ANKRD31: variants seen among roughly 807,000 people sequenced by gnomAD.
ANKRD31 encodes ankyrin repeat domain-containing protein 31.
ANKRD31 carries 147 observed loss-of-function variants against 186.0 expected under a neutral mutation model. The ratio of observed to expected loss-of-function variants is 0.79; its 90% CI spans 0.69 to 0.91. The LOEUF is 0.91. Ranked by LOEUF, ANKRD31 falls within the 40% of genes least tolerant of loss-of-function variation. The pLI is 0.00. For synonymous variants in ANKRD31, 673 were observed against 736.4 expected, an observed-to-expected ratio of 0.91 and a Z score of 1.39; for missense variants, 1,986 against 2,148.8, an observed-to-expected ratio of 0.92 and a Z score of 1.50.
intron 5 of ANKRD31, among the ~76,000 whole-genome samples, chr5:75,203,268 G>C (rs1034008589): frequency 1.6e-4 from 25 of 152,320 alleles, no homozygotes; most frequent in African/African-American, 5.8e-4. Flanking sequence ...TGGGACTATA[G>C]GACATAGTGG....
intron 3 of ANKRD31, among the ~76,000 whole-genome samples, chr5:75,215,072 C>G (rs578176575): frequency 1.3e-5 from 2 of 152,278 alleles, no homozygotes; most frequent in South Asian, 2.1e-4. Flanking sequence ...TAAAGGTCAA[C>G]AGGCAGAGAA....
intron 3 of ANKRD31, among the ~76,000 whole-genome samples, chr5:75,212,875 A>G (rs1457902219): frequency 6.6e-6 from 1 of 152,214 alleles, no homozygotes; most frequent in African/African-American, 2.4e-5. Flanking sequence ...CTCTCTGAAA[A>G]TAAAGCCATT....
At chr5:75,098,461 T>C (rs1746518737) in intron 22 of ANKRD31, among the ~76,000 whole-genome samples, 1 of 150,710 alleles carries the variant, frequency 6.6e-6, no homozygotes, top group Non-Finnish European at 1.5e-5. Context: ...TTTCCAATTC[T>C]GTGAAGAAAG....
chr5:75,194,950 G>A (rs1755360449), intron 7 of ANKRD31, among the ~76,000 whole-genome samples: 2 of 152,044 alleles, frequency 1.3e-5, no homozygotes, highest in Admixed American at 6.6e-5. Flanking sequence ...GTTTTATAAT[G>A]AGGATGCATT....
intron 10 of ANKRD31, among the ~76,000 whole-genome samples, chr5:75,176,835 T>C (rs1753843082): frequency 1.3e-5 from 2 of 152,146 alleles, no homozygotes; most frequent in African/African-American, 4.8e-5. Context: ...CCTCTCCTCC[T>C]CTAAAGGAAC....
chr5:75,220,300 C>T (rs1371478148), intron 3 of ANKRD31, among the ~76,000 whole-genome samples: 2 of 152,110 alleles, frequency 1.3e-5, no homozygotes, highest in African/African-American at 2.4e-5. Context: ...TATACAGAAT[C>T]TACAAGGAAC....
At chr5:75,129,131 A>T (rs1749515597) in intron 17 of ANKRD31, among the ~76,000 whole-genome samples, 2 of 151,968 alleles carry the variant, frequency 1.3e-5, no homozygotes, top group African/African-American at 2.4e-5. Context: ...TCCTCACAAG[A>T]TCTGGTGGTT....
intron 25 of ANKRD31, among the ~76,000 whole-genome samples, chr5:75,071,791 C>T (rs1037700480): frequency 1.3e-5 from 2 of 152,094 alleles, no homozygotes; most frequent in African/African-American, 4.8e-5. Flanking sequence ...AGCCACCGCG[C>T]CCGGCCGAAA....
chr5:75,148,119 C>T (rs1751605256), intron 13 of ANKRD31, among the ~76,000 whole-genome samples: 1 of 151,818 alleles, frequency 6.6e-6, no homozygotes, highest in Non-Finnish European at 1.5e-5. Flanking sequence ...GACTTAAAAA[C>T]AGGAAGACAG....
chr5:75,187,022 AGT>A (rs10624220), intron 10 of ANKRD31, among the ~76,000 whole-genome samples: 5,137 of 142,264 alleles, frequency 0.036, 231 homozygotes, highest in African/African-American at 0.11. Flanking sequence ...TGAGACACAG[AGT>A]GTGTGTGTGT....
chr5:75,101,854 C>A (rs1454868235), intron 22 of ANKRD31, among the ~76,000 whole-genome samples: 1 of 152,202 alleles, frequency 6.6e-6, no homozygotes, highest in Non-Finnish European at 1.5e-5. Flanking sequence ...TTTATAGCTT[C>A]TTTGCGATGG....
At chr5:75,194,657 T>C (rs1755338069) in intron 7 of ANKRD31, among the ~76,000 whole-genome samples, 1 of 152,128 alleles carries the variant, frequency 6.6e-6, no homozygotes, top group Admixed American at 6.6e-5. Context: ...AATTACAATA[T>C]ATTCACACAG....
intron 22 of ANKRD31, among the ~76,000 whole-genome samples, chr5:75,100,773 T>C (rs1159934284): frequency 6.6e-6 from 1 of 152,318 alleles, no homozygotes; most frequent in Non-Finnish European, 1.5e-5. Context: ...TTCCATTTAC[T>C]TGGTAGATCT....
At chr5:75,182,266 A>T (rs1417426691) in intron 10 of ANKRD31, among the ~76,000 whole-genome samples, 3 of 152,200 alleles carry the variant, frequency 2.0e-5, no homozygotes, top group African/African-American at 7.2e-5. Context: ...GGTTAACTTG[A>T]TTATCTATCA....
intron 11 of ANKRD31, among the ~76,000 whole-genome samples, chr5:75,158,647 C>G (rs373394386): frequency 6.6e-6 from 1 of 151,986 alleles, no homozygotes; most frequent in Non-Finnish European, 1.5e-5. Context: ...TTTTAAAAAG[C>G]TGGGTGTGGT....
rs1427707360 is a variant in ANKRD31 at position 75,105,008 on chromosome 5, C to A, written c.4551G>T (p.Glu1517Asp). ...SEISSEKDSQ[E>D]LTSLENLEHP... is the part of the protein sequence containing the mutation. ...GCTCTAAATTTTCCAGACTAGTGAG[C>A]TCTTGGCTGTCTTTTTCACTAGAGA... The change falls in exon 22 of 26, where the codon GAG becomes GAT. Residue 1517 changes from glutamate (E) to aspartate (D), a missense_variant. Transcript: ENST00000506364. 6.5e-7 allele frequency: 1 copy of A among 1,536,782 alleles called. No homozygotes were observed. Among genetic ancestry groups the A allele is most frequent in the Admixed American group, 2.0e-5 (1 of 50,922 alleles).
chr5:75,215,747 G>A (rs1756922158), intron 3 of ANKRD31, among the ~76,000 whole-genome samples: 1 of 151,646 alleles, frequency 6.6e-6, no homozygotes, highest in African/African-American at 2.4e-5. Context: ...AATCTGGGAA[G>A]AATTTATTTA....
At chr5:75,107,473 A>G (rs1747419056) in intron 21 of ANKRD31, 48 bp downstream of exon 21, 3 of 1,291,676 alleles carry the variant, frequency 2.3e-6, no homozygotes, top group South Asian at 1.4e-5. Flanking sequence ...AAAAATGGAT[A>G]AATTCTAGAA....
intron 10 of ANKRD31, 112 bp downstream of exon 10, chr5:75,188,381 G>A: frequency 9.8e-7 from 1 of 1,020,392 alleles, no homozygotes; most frequent in Non-Finnish European, 1.3e-6. Flanking sequence ...TGATCTGAAA[G>A]CCTTCTGTTT....
Sources: allele counts gnomAD v4.1 joint callset (sites outside exome capture counted in the v4.1 genomes callset), GRCh38; gene constraint gnomAD v4.1.1; transcripts MANE v1.5; gene names NCBI Gene and HGNC (gene_info 2026-07-23, HGNC 2026-07-21).